The following SREK1 variants were observed in gnomAD, a reference collection of about 807,000 sequenced individuals.
SREK1 encodes splicing regulatory glutamic acid and lysine rich protein 1, also known as splicing regulatory glutamine/lysine-rich protein 1.
SREK1 carries 13 observed loss-of-function variants against 66.5 expected under a neutral mutation model. The ratio of observed to expected loss-of-function variants is 0.20; its 90% CI spans 0.13 to 0.31. The LOEUF is 0.31. Ranked by LOEUF, SREK1 falls within the 10% of genes least tolerant of loss-of-function variation. SREK1 has a pLI of 1.00. For synonymous variants in SREK1, 265 were observed against 263.5 expected (o/e 1.01, Z -0.05); for missense variants, 607 against 769.6 (o/e 0.79, Z 2.50).
chr5:66,151,742 G>C (rs1387431232), intron 1 of SREK1, among the ~76,000 whole-genome samples: 1 of 151,574 alleles, frequency 6.6e-6, no homozygotes, highest in African/African-American at 2.4e-5. Flanking sequence ...TAGGTGTTGG[G>C]TTGGGTAAGG....
intron 7 of SREK1, 68 bp downstream of exon 7, chr5:66,164,965 A>C: frequency 7.0e-7 from 1 of 1,435,392 alleles, no homozygotes; most frequent in South Asian, 1.4e-5. Context: ...AGATTTTATG[A>C]GTTTTCGTCA....
In SREK1 at chr5:66,162,345, G is replaced by C. The variant is rs898929118; in HGVS notation, c.577-69G>C. 8 of 1,605,020 alleles carry C rather than the reference G, an allele frequency of 5.0e-6. No homozygotes were observed. The Admixed American group carries it at 6.7e-5, about 14-fold the overall frequency. ...TTCTCTTCTTAAAAATCATATCAGT[G>C]GATACAGTAATATTTATCTGATTTT... On this transcript the variant is annotated intron_variant, in intron 4 of 11. Transcript: ENST00000334121.
At chr5:66,177,212 T>C (rs770130898) in intron 10 of SREK1, 4 of 199,208 alleles carry the variant, frequency 2.0e-5, no homozygotes, top group Non-Finnish European at 4.0e-5. Context: ...CTTATTGCAG[T>C]ACATAAACAA....
At chr5:66,147,189 A>G (rs565193994) in intron 1 of SREK1, among the ~76,000 whole-genome samples, 81 of 152,330 alleles carry the variant, frequency 5.3e-4, no homozygotes, top group African/African-American at 1.9e-3. Flanking sequence ...AGGCTAGGGA[A>G]TTCTTGTGAA....
intron 7 of SREK1, 26 bp downstream of exon 7, chr5:66,164,923 A>C (rs770572879): frequency 2.9e-5 from 46 of 1,573,234 alleles, no homozygotes; most frequent in Non-Finnish European, 3.9e-5. Flanking sequence ...GTCATATTTA[A>C]ATTTTATTTT....
chr5:66,164,720 GA>G, intron 6 of SREK1, 62 bp from the exon 7 acceptor site: 1 of 1,612,412 alleles, frequency 6.2e-7, no homozygotes, highest in Non-Finnish European at 8.5e-7. Flanking sequence ...ACTTGTGCCT[GA>G]TTATTAACTG....
In SREK1 at chr5:66,144,404, G is replaced by A; in HGVS notation, c.28G>A (p.Gly10Ser). The A allele has an allele frequency of 1.3e-6, 2 of 1,550,914 alleles. No homozygotes were observed. Among genetic ancestry groups the A allele is most frequent in the Non-Finnish European group, 1.7e-6 (2 of 1,146,648 alleles). ...GAACAGCGGCGGCGGCTTCGGTTTG[G>A]GCTTAGGCTTCGGCCTCACCCCCAC... is the stretch of plus-strand genomic sequence containing the variant. MNSGGGFGL[G>S]LGFGLTPTSV... Residue 10 changes from glycine (G) to serine (S), a missense_variant, in exon 1 of 12, where the codon GGC becomes AGC. Physicochemically the swap from Gly to Ser is moderately conservative, Grantham distance 56. Around this residue, in one of 5 missense-constraint regions of SREK1, gnomAD observed 75 missense variants for 72.9 expected, o/e 1.03. Coordinates refer to ENST00000334121, the MANE Select transcript of SREK1 (RefSeq NM_001077199.3).
At chr5:66,160,200 A>G (rs1202940238) in intron 3 of SREK1, among the ~76,000 whole-genome samples, 1 of 152,182 alleles carries the variant, frequency 6.6e-6, no homozygotes, top group Non-Finnish European at 1.5e-5. Flanking sequence ...TATTTATTTT[A>G]AAAGAAGTGC....
chr5:66,160,007 G>C (rs555430604), intron 3 of SREK1, among the ~76,000 whole-genome samples: 1 of 152,160 alleles, frequency 6.6e-6, no homozygotes, highest in African/African-American at 2.4e-5. Flanking sequence ...GCGGGTGCCC[G>C]TAGTCCCAGC....
intron 1 of SREK1, among the ~76,000 whole-genome samples, chr5:66,150,265 C>A (rs16894966): frequency 0.081 from 12,259 of 152,258 alleles, 622 homozygotes; most frequent in East Asian, 0.27. Context: ...TATAGAATGT[C>A]TTGGTAGCAC....
At chr5:66,177,406 A>G (rs1228258718) in intron 10 of SREK1, 108 bp from the exon 11 acceptor site, 4 of 964,472 alleles carry the variant, frequency 4.1e-6, no homozygotes, top group Non-Finnish European at 5.8e-6. Context: ...GATGCTTATT[A>G]ACAATGCATT....
At chr5:66,177,488 T>A in intron 10 of SREK1, 26 bp from the exon 11 acceptor site, 1 of 1,519,386 alleles carries the variant, frequency 6.6e-7, no homozygotes, top group East Asian at 2.3e-5. Context: ...TCTTAGAATT[T>A]AACTGACATA....
At chr5:66,174,816 C>T (rs551321578) in intron 9 of SREK1, 130 bp from the exon 10 acceptor site, 30 of 727,802 alleles carry the variant, frequency 4.1e-5, no homozygotes, top group African/African-American at 3.8e-4. Flanking sequence ...TCATAAAGGA[C>T]ATAAGTTTAA....
chr5:66,175,066 C>G (rs974185695), intron 10 of SREK1, 25 bp downstream of exon 10: 4 of 1,560,694 alleles, frequency 2.6e-6, no homozygotes, highest in Non-Finnish European at 3.5e-6. Flanking sequence ...TGTGCTAAAA[C>G]TAAACAGGAG....
chr5:66,152,395 A>T lies in SREK1; in HGVS notation c.162-1068A>T, dbSNP rs993981293. The stretch of plus-strand genomic sequence containing the variant: ...TTTTAAAAACGGCTAATGTTTGTGG[A>T]ATTGCTAATTTAATAGTATGTCAGA... On this transcript the variant is annotated intron_variant, in intron 1 of 11. Coordinates refer to ENST00000334121, the MANE Select transcript of SREK1 (RefSeq NM_001077199.3). Among the ~76,000 whole-genome samples the T allele has an allele frequency of 3.9e-4, 59 of 152,266 alleles. 1 individual carries two copies. Among genetic ancestry groups the T allele is most frequent in the Non-Finnish European group, 6.9e-4 (47 of 68,022 alleles).
In SREK1 at chr5:66,180,217, A is replaced by G. The variant is rs1746390746; in HGVS notation, c.*1349A>G. 1 of 152,588 alleles carries G rather than the reference A, an allele frequency of 6.6e-6. No homozygotes were observed. The highest frequency in any genetic ancestry group is 2.4e-5 in the African/African-American group (1 of 41,458). 9.5% of individuals were successfully genotyped at this position (152,588 alleles called of 1,614,324 possible). On this transcript the variant is annotated 3_prime_UTR_variant, in exon 12 of 12. Coordinates refer to ENST00000334121, the MANE Select transcript of SREK1 (RefSeq NM_001077199.3). ...CTTAGGCTCACTTTTTACAGAAAGT[A>G]TGCAAATAGTAAAGTGACAGCACTG...
rs1358976318 is a variant in SREK1 at position 66,182,260 on chromosome 5, A to G, written c.*3392A>G. The G allele has an allele frequency of 6.6e-6, 1 of 152,160 alleles. No individual in the cohort carries two copies. The highest frequency in any genetic ancestry group is 1.9e-4 in the East Asian group (1 of 5,198). The allele number at this position is 152,160 out of a possible 1,614,324, so 9.4% of individuals were successfully genotyped here. A position where few individuals can be genotyped will look rare whatever the true frequency, so the allele number is the denominator to read the frequency against. On this transcript the variant is annotated 3_prime_UTR_variant, in exon 12 of 12. Transcript: ENST00000334121. ...TGCGTTACGAAGTAGAGCCATTCCC[A>G]CAAAGTAAATGTGCAGTGCCCATGT...
chr5:66,170,490 ATTGTC>A (rs1745541460), intron 8 of SREK1, 90 bp from the exon 9 acceptor site: 10 of 1,414,204 alleles, frequency 7.1e-6, no homozygotes, highest in Non-Finnish European at 9.6e-6. Flanking sequence ...GGTACTATAA[ATTGTC>A]TTGTGTTGGT....
chr5:66,164,589 T>G (rs1482198012), intron 6 of SREK1, 194 bp from the exon 7 acceptor site: 2 of 1,516,440 alleles, frequency 1.3e-6, no homozygotes, highest in Non-Finnish European at 1.8e-6. Flanking sequence ...AATCATCTGG[T>G]TTATATGTAC....
Sources: allele counts gnomAD v4.1 joint callset (sites outside exome capture counted in the v4.1 genomes callset), GRCh38; gene constraint gnomAD v4.1.1; regional missense constraint gnomAD v4.1.1; transcripts MANE v1.5; gene names NCBI Gene and HGNC (gene_info 2026-07-23, HGNC 2026-07-21).